The following PDE4D variants were observed in gnomAD, a reference collection of about 807,000 sequenced individuals.
PDE4D encodes phosphodiesterase 4D.
In PDE4D, 24 loss-of-function variants were observed where a neutral mutation model predicts 87.4. The ratio of observed to expected loss-of-function variants is 0.27; its 90% CI spans 0.20 to 0.39. The LOEUF is 0.39. Ranked by LOEUF, PDE4D falls within the 10% of genes least tolerant of loss-of-function variation. PDE4D has a pLI of 1.00. For synonymous variants in PDE4D, 384 were observed against 383.2 expected, an observed-to-expected ratio of 1.00 and a Z score of -0.02; for missense variants, 714 against 1,041.0, an observed-to-expected ratio of 0.69 and a Z score of 4.32.
rs184317954 is a variant in PDE4D at position 60,512,221 on chromosome 5, T to C, written n.70+9830A>G. On this transcript the variant is annotated intron_variant and non_coding_transcript_variant, in intron 1 of 2. Coordinates refer to the PDE4D transcript ENST00000506510. ...GTGGAAATCAAGTTCAAGCAAAATA[T>C]ATGCATATATGCTTTTTGCATTATT... is the stretch of plus-strand genomic sequence containing the variant. Among the ~76,000 whole-genome samples the C allele has an allele frequency of 2.6e-3, 391 of 152,318 alleles. 4 individuals carry two copies. The highest frequency in any genetic ancestry group is 9.0e-3 in the African/African-American group (373 of 41,582).
chr5:59,642,749 A>G (rs2150200876), intron 1 of PDE4D, among the ~76,000 whole-genome samples: 1 of 152,288 alleles, frequency 6.6e-6, no homozygotes, highest in Non-Finnish European at 1.5e-5. Flanking sequence ...ACTAAGAACA[A>G]AATCCTAAAA....
intron 1 of PDE4D, among the ~76,000 whole-genome samples, chr5:59,735,641 T>C (rs1757962268): frequency 6.6e-6 from 1 of 152,158 alleles, no homozygotes; most frequent in Non-Finnish European, 1.5e-5. Flanking sequence ...AAAGCAAGCA[T>C]GCTAAGCAAA....
At chr5:59,306,559 C>G (rs952685171) in intron 1 of PDE4D, among the ~76,000 whole-genome samples, 1 of 152,096 alleles carries the variant, frequency 6.6e-6, no homozygotes, top group East Asian at 1.9e-4. Flanking sequence ...TTCTTATACA[C>G]CAATAACAGA....
At chr5:60,497,627 C>T (rs561399654) in intron 1 of PDE4D, among the ~76,000 whole-genome samples, 3 of 152,110 alleles carry the variant, frequency 2.0e-5, no homozygotes, top group African/African-American at 7.2e-5. Context: ...TGATCTCAAA[C>T]CCCTGGCCTC....
intron 1 of PDE4D, among the ~76,000 whole-genome samples, chr5:59,792,487 T>C (rs1050195272): frequency 3.4e-5 from 5 of 146,890 alleles, no homozygotes; most frequent in African/African-American, 1.0e-4. Flanking sequence ...GAACACCACA[T>C]GGAAAAAGCA....
At chr5:59,113,710 G>A (rs1773079737) in intron 5 of PDE4D, among the ~76,000 whole-genome samples, 1 of 152,212 alleles carries the variant, frequency 6.6e-6, no homozygotes, top group Non-Finnish European at 1.5e-5. Flanking sequence ...GAAACAGACT[G>A]CCAAAGGTGG....
intron 2 of PDE4D, among the ~76,000 whole-genome samples, chr5:60,100,060 C>T (rs937458868): frequency 3.3e-5 from 5 of 151,448 alleles, no homozygotes; most frequent in Non-Finnish European, 7.4e-5. Flanking sequence ...GAATATTATG[C>T]AGTTGAAAGA....
At chr5:59,074,177 T>C (rs1400957053) in intron 5 of PDE4D, among the ~76,000 whole-genome samples, 1 of 152,202 alleles carries the variant, frequency 6.6e-6, no homozygotes, top group Non-Finnish European at 1.5e-5. Flanking sequence ...TACTATTATA[T>C]GGGGAATAAA....
At chr5:59,029,637 A>G (rs1171889937) in intron 6 of PDE4D, among the ~76,000 whole-genome samples, 1 of 140,632 alleles carries the variant, frequency 7.1e-6, no homozygotes, top group Non-Finnish European at 1.5e-5. Context: ...GATTCAATGC[A>G]ATTCCTTTCA....
intron 1 of PDE4D, among the ~76,000 whole-genome samples, chr5:60,259,748 C>T (rs1158262070): frequency 1.3e-5 from 2 of 152,048 alleles, no homozygotes; most frequent in Non-Finnish European, 2.9e-5. Context: ...ACCCTCTTTA[C>T]ACAAGGCAAA....
At chr5:60,192,656 G>A (rs544791119) in intron 1 of PDE4D, among the ~76,000 whole-genome samples, 5 of 152,078 alleles carry the variant, frequency 3.3e-5, no homozygotes, top group African/African-American at 1.2e-4. Context: ...AAAAAGGCAG[G>A]ATTAAAGTTG....
chr5:59,394,091 C>T (rs1332106247), intron 1 of PDE4D, among the ~76,000 whole-genome samples: 1 of 151,940 alleles, frequency 6.6e-6, no homozygotes, highest in Non-Finnish European at 1.5e-5. Flanking sequence ...TCAAGTGGTT[C>T]CCCTTCAGTT....
intron 2 of PDE4D, among the ~76,000 whole-genome samples, chr5:60,038,041 T>C (rs1367582520): frequency 6.6e-6 from 1 of 152,080 alleles, no homozygotes; most frequent in African/African-American, 2.4e-5. Context: ...TATAGATGAG[T>C]AGGTCGCGAA....
chr5:59,916,471 G>T (rs1053230777), intron 3 of PDE4D, among the ~76,000 whole-genome samples: 1 of 152,128 alleles, frequency 6.6e-6, no homozygotes, highest in Non-Finnish European at 1.5e-5. Context: ...TAATAACTCT[G>T]GTCAAAACAT....
chr5:60,263,884 C>T (rs755292068), intron 1 of PDE4D, among the ~76,000 whole-genome samples: 4 of 151,584 alleles, frequency 2.6e-5, no homozygotes, highest in South Asian at 2.1e-4. Context: ...ACCAGTGACA[C>T]TACATGTGAA....
At chr5:59,902,900 C>T (rs185031123) in intron 3 of PDE4D, among the ~76,000 whole-genome samples, 44 of 152,238 alleles carry the variant, frequency 2.9e-4, no homozygotes, top group Non-Finnish European at 1.3e-4. Context: ...GAACTCTGAG[C>T]TAAAAATAAC....
intron 1 of PDE4D, among the ~76,000 whole-genome samples, chr5:60,186,999 A>G (rs777294908): frequency 6.6e-6 from 1 of 152,210 alleles, no homozygotes; most frequent in Non-Finnish European, 1.5e-5. Flanking sequence ...GAGGTCCCGT[A>G]ACAGCAAAGT....
At chr5:60,304,589 G>A (rs1348124905) in intron 1 of PDE4D, among the ~76,000 whole-genome samples, 4 of 147,450 alleles carry the variant, frequency 2.7e-5, no homozygotes, top group African/African-American at 7.7e-5. Flanking sequence ...AGCTTGCAGT[G>A]AGCCGAGATT....
At chr5:59,833,677 G>C (rs1741582831) in intron 1 of PDE4D, among the ~76,000 whole-genome samples, 1 of 151,944 alleles carries the variant, frequency 6.6e-6, no homozygotes, top group Non-Finnish European at 1.5e-5. Flanking sequence ...TGGTCGGTCA[G>C]GGTGGTGATG....
Sources: allele counts gnomAD v4.1 joint callset (sites outside exome capture counted in the v4.1 genomes callset), GRCh38; gene constraint gnomAD v4.1.1; transcripts MANE v1.5; gene names NCBI Gene and HGNC (gene_info 2026-07-23, HGNC 2026-07-21).